EML1: variants seen among roughly 807,000 people sequenced by gnomAD.
EML1 encodes the protein echinoderm microtubule-associated protein-like 1.
EML1 carries 27 observed loss-of-function variants against 110.4 expected under a neutral mutation model. That is an observed-to-expected ratio of 0.24 (90% CI 0.18 to 0.34). EML1 has a LOEUF of 0.34. Among genes scored for constraint, EML1 ranks in the 10% least tolerant of loss-of-function variants. The pLI is 1.00. For synonymous variants in EML1, 344 were observed against 385.8 expected, an observed-to-expected ratio of 0.89 and a Z score of 1.27; for missense variants, 741 against 1,030.9, an observed-to-expected ratio of 0.72 and a Z score of 3.85.
intron 1 of EML1, among the ~76,000 whole-genome samples, chr14:99,753,879 G>A (rs377697567): frequency 2.0e-5 from 3 of 152,148 alleles, no homozygotes; most frequent in South Asian, 4.1e-4. Context: ...CCCAGTGTAC[G>A]GACCAGGAGA....
At chr14:99,885,588 A>C (rs1245226182) in intron 4 of EML1, among the ~76,000 whole-genome samples, 4 of 152,208 alleles carry the variant, frequency 2.6e-5, no homozygotes, top group Non-Finnish European at 5.9e-5. Flanking sequence ...TTTACACTGG[A>C]AGATGAGACT....
intron 1 of EML1, among the ~76,000 whole-genome samples, chr14:99,738,129 A>C (rs944948651): frequency 1.5e-4 from 23 of 152,232 alleles, no homozygotes; most frequent in Admixed American, 1.3e-3. Context: ...AGCCGGGGCC[A>C]GAGCTGACCC....
In EML1 at chr14:99,922,423, A is replaced by T. The variant is rs776063938; in HGVS notation, c.1909+1546A>T. On this transcript the variant is annotated intron_variant, in intron 17 of 21. Transcript: ENST00000262233. ...GAGCCACCGCACCCTGGCCTTATGGATTTAGATTGTTTCTGGTTTTTTATT... is the reference window on the plus strand; with the variant it reads ...GAGCCACCGCACCCTGGCCTTATGGTTTTAGATTGTTTCTGGTTTTTTATT... Among the ~76,000 whole-genome samples, 5 of 152,050 alleles carry T rather than the reference A, an allele frequency of 3.3e-5. No homozygotes were observed. The South Asian group carries it at 1.0e-3, about 31-fold the overall frequency.
At chr14:99,866,702 T>TC (rs59425626) in intron 3 of EML1, among the ~76,000 whole-genome samples, 54,059 of 150,582 alleles carry the variant, frequency 0.36, 10,505 homozygotes, top group African/African-American at 0.51. Flanking sequence ...AAATAGTAAC[T>TC]CCCCTCTACT....
At chr14:99,916,398 A>G (rs912832443) in intron 15 of EML1, among the ~76,000 whole-genome samples, 2 of 152,208 alleles carry the variant, frequency 1.3e-5, no homozygotes, top group African/African-American at 4.8e-5. Context: ...AAATAATGTA[A>G]TCATATATCA....
intron 17 of EML1, among the ~76,000 whole-genome samples, chr14:99,921,790 A>T (rs1162032422): frequency 3.9e-5 from 6 of 152,232 alleles, no homozygotes; most frequent in Admixed American, 2.6e-4. Flanking sequence ...ATAAATGTAC[A>T]GCTCATCGAT....
intron 15 of EML1, 75 bp from the exon 16 acceptor site, chr14:99,917,707 G>T: frequency 7.1e-7 from 1 of 1,411,094 alleles, no homozygotes; most frequent in Non-Finnish European, 1.0e-6. Context: ...GTGTGTGCAC[G>T]CACTCACGTG....
At chr14:99,927,489 C>T (rs1459230937) in intron 17 of EML1, among the ~76,000 whole-genome samples, 1 of 152,090 alleles carries the variant, frequency 6.6e-6, no homozygotes. Flanking sequence ...GGGTTTTTCT[C>T]ACTTTTTGTG....
At chr14:99,741,003 G>A (rs959705784) in intron 1 of EML1, among the ~76,000 whole-genome samples, 2 of 152,198 alleles carry the variant, frequency 1.3e-5, no homozygotes, top group African/African-American at 4.8e-5. Context: ...TTCCAGCAAA[G>A]CAACTTTACA....
At chr14:99,839,683 C>G (rs1042856357) in intron 1 of EML1, among the ~76,000 whole-genome samples, 10 of 152,190 alleles carry the variant, frequency 6.6e-5, no homozygotes, top group Admixed American at 6.6e-4. Flanking sequence ...ATTTTTATAT[C>G]AGGCAAAGGT....
At position 99,784,060 on chromosome 14, in the gene EML1, A is replaced by G. The variant is rs771581792; in HGVS notation, c.-27+10047A>G. Among the ~76,000 whole-genome samples the G allele has an allele frequency of 5.9e-5, 9 of 152,008 alleles. No individual in the cohort carries two copies. Among genetic ancestry groups the G allele is most frequent in the Non-Finnish European group, 1.2e-4 (8 of 68,002 alleles). On this transcript the variant is annotated intron_variant, in intron 1 of 22. Transcript: ENST00000327921. This position sits in a 1 kb window ranked among gnomAD's most constrained non-coding sequence, Gnocchi z 4.5. Reference sequence around the variant, plus strand: ...TGCATGAATTAGAGACAATCACAACATCAAGTTTCCTAAATGTAAGGACTT... The same window carrying G: ...TGCATGAATTAGAGACAATCACAACGTCAAGTTTCCTAAATGTAAGGACTT...
At position 99,779,868 on chromosome 14, in the gene EML1, A is replaced by C. The variant is rs80085341; in HGVS notation, c.-27+5855A>C. 2.8e-3 allele frequency among the ~76,000 whole-genome samples: 422 copies of C among 152,318 alleles called. 2 individuals are homozygous for C. Among genetic ancestry groups the C allele is most frequent in the African/African-American group, 9.9e-3 (413 of 41,562 alleles). On this transcript the variant is annotated intron_variant, in intron 1 of 22. Coordinates refer to the EML1 transcript ENST00000327921. ...TTAACAGATTGAAACTCCAATCTTC[A>C]CAGTGAGAGGAAGGAGACGGGGGAG...
chr14:99,764,613 C>T (rs2057349135), intron 1 of EML1, among the ~76,000 whole-genome samples: 1 of 152,318 alleles, frequency 6.6e-6, no homozygotes, highest in Non-Finnish European at 1.5e-5. Flanking sequence ...GGCCAAGGAG[C>T]GTCAGGGCAG....
chr14:99,815,603 A>C (rs537732103), intron 1 of EML1, among the ~76,000 whole-genome samples: 14 of 152,338 alleles, frequency 9.2e-5, no homozygotes, highest in Non-Finnish European at 1.9e-4. Flanking sequence ...GAAGATGAAT[A>C]GCTTTTTATT....
chr14:99,901,032 C>T lies in EML1; in HGVS notation c.1001C>T (p.Ser334Leu), dbSNP rs774471417. 3 of 1,613,280 alleles carry T rather than the reference C, an allele frequency of 1.9e-6. No homozygotes were observed. The highest frequency in any genetic ancestry group is 2.5e-6 in the Non-Finnish European group (3 of 1,179,206). Residue 334 changes from serine (S) to leucine (L), a missense_variant, in exon 9 of 22, where the codon TCA becomes TTA. Ser to Leu is a moderately radical substitution (Grantham distance 145). This residue lies in a region of EML1 where 388 missense variants were observed against 605.6 expected (regional missense o/e 0.64). Coordinates refer to ENST00000262233, the MANE Select transcript of EML1 (RefSeq NM_004434.3). ...CGAGCAGTCACCTGTATTGCATTCT[C>T]AAAATCTGTAAGTATGTGCCCTGTG... ...FDRAVTCIAF[S>L]KSNGGTNLCA...
intron 1 of EML1, among the ~76,000 whole-genome samples, chr14:99,752,677 C>A (rs1207245035): frequency 1.3e-5 from 2 of 152,166 alleles, no homozygotes; most frequent in Non-Finnish European, 2.9e-5. Context: ...CAGACCCTGA[C>A]CCTTGGTAGC....
At chr14:99,785,670 G>A (rs1332182636) in intron 1 of EML1, among the ~76,000 whole-genome samples, 1 of 152,198 alleles carries the variant, frequency 6.6e-6, no homozygotes, top group African/African-American at 2.4e-5. Flanking sequence ...GAGCTAGCAT[G>A]TAAACACTTG....
chr14:99,921,247 T>C (rs1299890320), intron 17 of EML1, among the ~76,000 whole-genome samples: 1 of 151,594 alleles, frequency 6.6e-6, no homozygotes. Flanking sequence ...ACAAAGGACA[T>C]GGTCTTGTTC....
rs575357979 is a variant in EML1, at chr14:99,865,217, C to A, written c.251-297C>A. On this transcript the variant is annotated intron_variant, in intron 2 of 21. Transcript: ENST00000262233. ...GGGTTGATGGGAGACAGCGACAGAT[C>A]ATCAGGCATTAGATTCTCATAAGGA... is the stretch of plus-strand genomic sequence containing the variant. Among the ~76,000 whole-genome samples the A allele has an allele frequency of 5.1e-4, 77 of 152,320 alleles. 1 individual carries two copies. The highest frequency in any genetic ancestry group is 1.8e-3 in the African/African-American group (76 of 41,578).
Sources: gnomAD v4.1 joint callset for allele counts (sites outside exome capture counted in the v4.1 genomes callset) on GRCh38, gnomAD v4.1.1 for gene constraint, gnomAD v4.1.1 regional missense constraint, Gnocchi (gnomAD v3.1) non-coding constraint, MANE v1.5 for transcripts, NCBI Gene and HGNC (gene_info 2026-07-23, HGNC 2026-07-21) for gene names.